GDPD5: variants seen among roughly 807,000 people sequenced by gnomAD.
GDPD5 encodes the protein glycerophosphodiester phosphodiesterase 2.
A neutral mutation model predicts 75.1 loss-of-function variants in GDPD5; 48 were observed. That is an observed-to-expected ratio of 0.64 (90% CI 0.51 to 0.81). GDPD5 has a LOEUF of 0.81. GDPD5 is among the 40% of genes least tolerant of loss of function. The probability of loss-of-function intolerance (pLI) is 0.00; values close to 1 mark genes in which losing one functional copy is unlikely to be tolerated. For missense variants in GDPD5, 706 were observed against 822.6 expected (o/e 0.86, Z 1.73); for synonymous variants, 336 against 339.0 (o/e 0.99, Z 0.10).
intron 2 of GDPD5, among the ~76,000 whole-genome samples, chr11:75,480,315 A>G (rs1275317141): frequency 6.6e-6 from 1 of 151,582 alleles, no homozygotes; most frequent in African/African-American, 2.4e-5. Flanking sequence ...GTGACAGGGC[A>G]AATCTCCATC....
intron 3 of GDPD5, 83 bp downstream of exon 3, chr11:75,477,536 G>A (rs1949804035): frequency 3.8e-6 from 3 of 796,576 alleles, no homozygotes; most frequent in Non-Finnish European, 5.8e-6. Flanking sequence ...AGTCAGCAGA[G>A]ACAGAGCTAA....
chr11:75,442,250 A>G (rs1948838166), intron 12 of GDPD5, 113 bp downstream of exon 12: 1 of 795,024 alleles, frequency 1.3e-6, no homozygotes, highest in Admixed American at 2.6e-5. Flanking sequence ...TGTGATCCCC[A>G]TTTTACAAAT....
In GDPD5 at chr11:75,456,865, G is replaced by T. The variant is rs755713427; in HGVS notation, c.316-49C>A. Reference sequence around the variant, plus strand: ...TTGTCAGGCCCGTGTGGGCGGGAAGGCTTTGCCAGTTTCTCAGACACCCTG... The same window carrying T: ...TTGTCAGGCCCGTGTGGGCGGGAAGTCTTTGCCAGTTTCTCAGACACCCTG... On this transcript the variant is annotated intron_variant, in intron 5 of 16. Transcript: ENST00000336898. 13 of 1,585,666 alleles carry T rather than the reference G, an allele frequency of 8.2e-6. No individual in the cohort carries two copies. The African/African-American group carries it at 1.5e-4, about 18-fold the overall frequency.
intron 3 of GDPD5, among the ~76,000 whole-genome samples, chr11:75,467,658 G>C (rs573121138): frequency 1.3e-5 from 2 of 152,074 alleles, no homozygotes; most frequent in African/African-American, 2.4e-5. Flanking sequence ...CGAGCAGCTG[G>C]GGCAGGAGTG....
Position 75,462,813 on chromosome 11 carries a change from A to T in GDPD5, c.194T>A (p.Val65Asp). ...TLTWLYFWWE[V>D]HNDYDEFNWY... ...GTTGAATTCATCATAGTCATTGTGG[A>T]CTTCCCACCAGAAGTAAAGCCAGGT... Residue 65 changes from valine to aspartate, a missense_variant, in exon 4 of 17, where the codon GTC becomes GAC. Coordinates refer to ENST00000336898, the MANE Select transcript of GDPD5 (RefSeq NM_030792.8). 1 of 1,613,828 alleles carries T rather than the reference A, an allele frequency of 6.2e-7. No homozygotes were observed. The highest frequency in any genetic ancestry group is 8.5e-7 in the Non-Finnish European group (1 of 1,179,860).
intron 3 of GDPD5, among the ~76,000 whole-genome samples, chr11:75,472,428 G>T (rs1196713002): frequency 2.0e-5 from 3 of 152,086 alleles, no homozygotes; most frequent in Non-Finnish European, 4.4e-5. Context: ...AGGACAAAAA[G>T]TGGGGGCCAG....
intron 13 of GDPD5, 43 bp downstream of exon 13, chr11:75,441,603 C>T (rs374598911): frequency 1.0e-5 from 15 of 1,500,666 alleles, no homozygotes; most frequent in Middle Eastern, 2.3e-4. Flanking sequence ...GGGAGAGACT[C>T]AGTCCCACCC....
chr11:75,442,371 G>A lies in GDPD5; in HGVS notation c.1159C>T (p.Gln387Ter), dbSNP rs533150675. 7 of 1,556,464 alleles carry A rather than the reference G, an allele frequency of 4.5e-6. No homozygotes were observed. In the African/African-American group the frequency reaches 9.5e-5, roughly 21 times the overall value. The change falls in exon 12 of 17, where the codon CAG becomes TAG. Residue 387 changes from glutamine (Q) to a stop codon, truncating the protein, a stop_gained. Transcript: ENST00000336898. LOFTEE classifies it high-confidence loss of function. Reference protein sequence around the residue: ...LEAVLHSGFPQHQVMWLPSRQ... With the variant: ...LEAVLHSGFP ...GCGTTGCAGGGCCTCACCTGGTGCT[G>A]GGGGAAGCCGGAGTGCAGCACGGCC...
intron 3 of GDPD5, among the ~76,000 whole-genome samples, chr11:75,467,608 G>A (rs1949545271): frequency 1.3e-5 from 2 of 152,088 alleles, no homozygotes. Flanking sequence ...GGCACCAGGA[G>A]GAGTGTGCTG....
intron 1 of GDPD5, among the ~76,000 whole-genome samples, chr11:75,521,073 C>T (rs1294259645): frequency 6.6e-6 from 1 of 152,182 alleles, no homozygotes; most frequent in Non-Finnish European, 1.5e-5. Context: ...TCCAGGGTCA[C>T]GAAAGACGAT....
At chr11:75,476,939 T>G (rs1592113369) in intron 3 of GDPD5, among the ~76,000 whole-genome samples, 1 of 146,816 alleles carries the variant, frequency 6.8e-6, no homozygotes, top group East Asian at 2.1e-4. Context: ...TGGGGCTGGC[T>G]GAATTTAGAG....
At chr11:75,520,941 C>T (rs1941426785) in intron 1 of GDPD5, among the ~76,000 whole-genome samples, 1 of 152,250 alleles carries the variant, frequency 6.6e-6, no homozygotes, top group African/African-American at 2.4e-5. Context: ...GGCCACCACC[C>T]TCCTTTGGGC....
chr11:75,466,181 C>T (rs1040715536), intron 3 of GDPD5, among the ~76,000 whole-genome samples: 2 of 152,194 alleles, frequency 1.3e-5, no homozygotes, highest in Admixed American at 1.3e-4. Context: ...ACCCCATGAT[C>T]AGAACTAGTG....
At chr11:75,456,959 C>A (rs946202744) in intron 5 of GDPD5, 143 bp from the exon 6 acceptor site, 3 of 755,184 alleles carry the variant, frequency 4.0e-6, no homozygotes, top group Non-Finnish European at 4.6e-6. Context: ...GATGGGAATG[C>A]GCTGCCCTCC....
Position 75,441,708 on chromosome 11 carries a change from C to T in GDPD5, c.1263G>A (p.Leu421=), listed in dbSNP as rs766750025. 1 of 1,610,780 alleles carries T rather than the reference C, an allele frequency of 6.2e-7. No homozygotes were observed. Among genetic ancestry groups the T allele is most frequent in the Non-Finnish European group, 8.5e-7 (1 of 1,179,506 alleles). The change falls in exon 13 of 17, where the codon CTG becomes CTA. Residue 421 remains leucine, a synonymous_variant. Transcript: ENST00000336898. ...TCAGCCGCTGGATGTGGCCTCTCCGCAGGCTGGCGACTGCCTCCTTGGAGC... is the reference window on the plus strand; with the variant it reads ...TCAGCCGCTGGATGTGGCCTCTCCGTAGGCTGGCGACTGCCTCCTTGGAGC... ...TSGSKEAVAS[L]RRGHIQRLNL...
At chr11:75,511,896 T>A (rs988920115) in intron 1 of GDPD5, among the ~76,000 whole-genome samples, 7 of 152,232 alleles carry the variant, frequency 4.6e-5, no homozygotes, top group Non-Finnish European at 8.8e-5. Flanking sequence ...TGCTAAGCTT[T>A]GTTTTCATCA....
At chr11:75,481,415 T>A (rs1480412173) in intron 2 of GDPD5, among the ~76,000 whole-genome samples, 1 of 152,166 alleles carries the variant, frequency 6.6e-6, no homozygotes, top group Non-Finnish European at 1.5e-5. Context: ...ACCCAGAGTC[T>A]CCTGAGTGCT....
In GDPD5 at chr11:75,514,676, G is replaced by A. The variant is rs146309878; in HGVS notation, c.-145+10534C>T. 3.9e-4 allele frequency among the ~76,000 whole-genome samples: 60 copies of A among 152,370 alleles called. 1 individual carries two copies. The East Asian group carries it at 0.011, about 27-fold the overall frequency. On this transcript the variant is annotated intron_variant, in intron 1 of 16. Coordinates refer to ENST00000336898, the MANE Select transcript of GDPD5 (RefSeq NM_030792.8). ...CTCTGCTTCACTCACTGCAGGCACT[G>A]ACAGGGCACATCTGGACAGAGGAGG...
intron 4 of GDPD5, among the ~76,000 whole-genome samples, chr11:75,459,411 C>T (rs1949364012): frequency 6.6e-6 from 1 of 151,486 alleles, no homozygotes; most frequent in Non-Finnish European, 1.5e-5. Context: ...TCAAGCAATC[C>T]TCCCATCTCA....
Sources: allele counts gnomAD v4.1 joint callset (sites outside exome capture counted in the v4.1 genomes callset), GRCh38; gene constraint gnomAD v4.1.1; transcripts MANE v1.5; gene names NCBI Gene and HGNC (gene_info 2026-07-23, HGNC 2026-07-21).